SPATA19: variants seen among roughly 807,000 people sequenced by gnomAD.
SPATA19 encodes the protein spermatogenesis-associated protein 19, mitochondrial.
SPATA19 carries 19 observed loss-of-function variants against 25.0 expected under a neutral mutation model. The observed-to-expected ratio is 0.76, with a 90% CI of 0.53 to 1.11. The LOEUF (loss-of-function observed/expected upper bound fraction) is 1.11, where lower values mean the gene tolerates loss of function less well. Among genes scored for constraint, SPATA19 ranks in the 50% most tolerant of loss-of-function variants. The probability of loss-of-function intolerance (pLI) is 0.00; values close to 1 mark genes in which losing one functional copy is unlikely to be tolerated. For synonymous variants in SPATA19, 64 were observed against 69.3 expected, an observed-to-expected ratio of 0.92 and a Z score of 0.38; for missense variants, 222 against 211.4, an observed-to-expected ratio of 1.05 and a Z score of -0.31.
At chr11:133,836,035 T>C (rs1246026053), downstream of SPATA19, among the ~76,000 whole-genome samples, 1 of 152,238 alleles carries the variant, frequency 6.6e-6, no homozygotes, top group African/African-American at 2.4e-5. Flanking sequence ...CTGCACATCC[T>C]GTTTCCTGTC....
At chr11:133,845,255 C>T in intron 1 of SPATA19, 65 bp from the exon 2 acceptor site, 1 of 1,544,586 alleles carries the variant, frequency 6.5e-7, no homozygotes. Flanking sequence ...CCACCCAGCC[C>T]CCGCAACTGT....
chr11:133,840,347 A>G (rs1295910668), downstream of SPATA19, among the ~76,000 whole-genome samples: 2 of 152,242 alleles, frequency 1.3e-5, no homozygotes, highest in Admixed American at 6.5e-5. Context: ...ACTCAAATCT[A>G]CATTAAAAAG....
Position 133,842,044 on chromosome 11 carries a change from A to T in SPATA19, c.499T>A (p.Cys167Ser). 6.2e-7 allele frequency: 1 copy of T among 1,614,048 alleles called. No individual in the cohort carries two copies. Among genetic ancestry groups the T allele is most frequent in the South Asian group, 1.1e-5 (1 of 91,080 alleles). ...DFSMRPSSSD[C>S] ...AGCTCTCTCACCTGTTGCTCTCAGC[A>T]GTCTGAGGAGGAGGGTCTCATACTG... Residue 167 changes from cysteine (C) to serine (S), a missense_variant, in exon 6 of 7, where the codon TGC becomes AGC. Coordinates refer to ENST00000299140, the MANE Select transcript of SPATA19 (RefSeq NM_174927.3).
downstream of SPATA19, among the ~76,000 whole-genome samples, chr11:133,838,195 T>A (rs1047058679): frequency 6.6e-6 from 1 of 152,074 alleles, no homozygotes; most frequent in African/African-American, 2.4e-5. Flanking sequence ...AAAACAGCTA[T>A]GAAAAATATG....
In SPATA19 at chr11:133,844,600, G is replaced by A. The variant is rs1257888168; in HGVS notation, c.176C>T (p.Ser59Phe). 1 of 1,613,366 alleles carries A rather than the reference G, an allele frequency of 6.2e-7. No homozygotes were observed. The highest frequency in any genetic ancestry group is 1.7e-5 in the Admixed American group (1 of 59,906). ...EASRGIKEKLSINHPSQGVRE... is the reference protein window; with the variant it reads ...EASRGIKEKLFINHPSQGVRE... ...TACACCCTGGGAAGGGTGGTTGATGGACAGCTTTTCCTTTATGCCCCGAGA... is the reference window on the plus strand; with the variant it reads ...TACACCCTGGGAAGGGTGGTTGATGAACAGCTTTTCCTTTATGCCCCGAGA... The change falls in exon 3 of 7, where the codon TCC becomes TTC. Residue 59 changes from serine to phenylalanine, a missense_variant. Coordinates refer to ENST00000299140, the MANE Select transcript of SPATA19 (RefSeq NM_174927.3).
Position 133,844,490 on chromosome 11 carries a change from G to T in SPATA19, c.267+19C>A, listed in dbSNP as rs760412277. 3.1e-6 allele frequency: 5 copies of T among 1,614,002 alleles called. No individual in the cohort carries two copies. The highest frequency in any genetic ancestry group is 2.7e-5 in the African/African-American group (2 of 74,900). ...TCCCTCACCGCTACTCCCAGGCAAGGTCTCAAACTCTCATTTACCACATCT... is the reference window on the plus strand; with the variant it reads ...TCCCTCACCGCTACTCCCAGGCAAGTTCTCAAACTCTCATTTACCACATCT... On this transcript the variant is annotated intron_variant, in intron 3 of 6. Transcript: ENST00000299140.
chr11:133,837,901 G>C (rs953940481), downstream of SPATA19, among the ~76,000 whole-genome samples: 1 of 152,090 alleles, frequency 6.6e-6, no homozygotes, highest in Non-Finnish European at 1.5e-5. Context: ...TTAAGAAGGA[G>C]CCTCTAGGGA....
At chr11:133,845,281 G>A (rs1038983916) in intron 1 of SPATA19, 88 bp downstream of exon 1, 3 of 1,160,610 alleles carry the variant, frequency 2.6e-6, no homozygotes, top group Non-Finnish European at 3.7e-6. Context: ...AAATTTATTT[G>A]TAAGATCTCT....
At chr11:133,843,541 T>C (rs10750542) in intron 4 of SPATA19, among the ~76,000 whole-genome samples, 50,733 of 152,032 alleles carry the variant, frequency 0.33, 9,475 homozygotes, top group East Asian at 0.6. Context: ...CAGATCAACA[T>C]CGATGATGCG....
chr11:133,842,114 G>A lies in SPATA19; in HGVS notation c.438-9C>T, dbSNP rs374196498. 2 of 1,613,714 alleles carry A rather than the reference G, an allele frequency of 1.2e-6. No individual in the cohort carries two copies. The highest frequency in any genetic ancestry group is 2.2e-5 in the East Asian group (1 of 44,884). ...CTGTAAGACGGGATATGCTGCAGGG[G>A]ACAGAGGAGAAGGGCCAGGTGGAGG... On this transcript the variant is annotated splice_polypyrimidine_tract_variant and intron_variant, in intron 5 of 6. Coordinates refer to ENST00000299140, the MANE Select transcript of SPATA19 (RefSeq NM_174927.3).
At chr11:133,845,264 G>A (rs1938396729) in intron 1 of SPATA19, 74 bp from the exon 2 acceptor site, 2 of 1,333,018 alleles carry the variant, frequency 1.5e-6, no homozygotes, top group East Asian at 3.3e-5. Context: ...CCCCGCAACT[G>A]TTACTCAAAT....
Position 133,844,573 on chromosome 11 carries a change from C to T in SPATA19, c.203G>A (p.Arg68Lys). Reference sequence around the variant, plus strand: ...AGGGGAGTCAGTGGACATCTTCTCCCTTACACCCTGGGAAGGGTGGTTGAT... The same window carrying T: ...AGGGGAGTCAGTGGACATCTTCTCCTTTACACCCTGGGAAGGGTGGTTGAT... ...LSINHPSQGV[R>K]EKMSTDSPPT... is the part of the protein sequence containing the mutation. Residue 68 changes from arginine (R) to lysine (K), a missense_variant, in exon 3 of 7, where the codon AGG becomes AAG. Physicochemically the swap from Arg to Lys is conservative, Grantham distance 26 (BLOSUM62 2). Coordinates refer to ENST00000299140, the MANE Select transcript of SPATA19 (RefSeq NM_174927.3). 1 of 1,614,094 alleles carries T rather than the reference C, an allele frequency of 6.2e-7. No individual in the cohort carries two copies. Among genetic ancestry groups the T allele is most frequent in the Non-Finnish European group, 8.5e-7 (1 of 1,179,998 alleles).
In SPATA19 at chr11:133,842,409, C is replaced by T. The variant is rs758386739; in HGVS notation, c.437+76G>A. 581 of 1,133,206 alleles carry T rather than the reference C, an allele frequency of 5.1e-4. 9 individuals carry two copies. The highest frequency in any genetic ancestry group is 1.0e-3 in the Middle Eastern group (5 of 4,976). 70.2% of individuals were successfully genotyped at this position (1,133,206 alleles called of 1,614,324 possible). The stretch of plus-strand genomic sequence containing the variant: ...CAGAGATAGCATTGCTGGGTGTGGG[C>T]GGGAAACCCAGCAGTCACCCCCACC... On this transcript the variant is annotated intron_variant, in intron 5 of 6. Transcript: ENST00000299140.
intron 4 of SPATA19, among the ~76,000 whole-genome samples, chr11:133,843,765 C>A (rs1047118918): frequency 6.6e-6 from 1 of 152,184 alleles, no homozygotes; most frequent in African/African-American, 2.4e-5. Flanking sequence ...TCAGCATCTG[C>A]AGAGCCACGA....
chr11:133,838,895 G>T (rs533392993), downstream of SPATA19, among the ~76,000 whole-genome samples: 33 of 152,312 alleles, frequency 2.2e-4, no homozygotes, highest in Admixed American at 7.2e-4. Context: ...CTTCTCAAAA[G>T]AAGACATTTA....
intron 4 of SPATA19, among the ~76,000 whole-genome samples, chr11:133,842,975 A>G (rs1414491820): frequency 2.6e-5 from 4 of 152,110 alleles, no homozygotes; most frequent in Non-Finnish European, 5.9e-5. Flanking sequence ...TACAGCGAGG[A>G]AGCTGTGGGG....
At chr11:133,842,139 G>A (rs1426392701) in intron 5 of SPATA19, 34 bp from the exon 6 acceptor site, 1 of 1,605,470 alleles carries the variant, frequency 6.2e-7, no homozygotes, top group Non-Finnish European at 8.5e-7. Context: ...CCAGGTGGAG[G>A]GAGGCTGCCT....
At chr11:133,837,924 AC>A (rs1938239496), downstream of SPATA19, among the ~76,000 whole-genome samples, 1 of 152,136 alleles carries the variant, frequency 6.6e-6, no homozygotes, top group Non-Finnish European at 1.5e-5. Flanking sequence ...CTCAAAGACA[AC>A]AAGAAAGACA....
downstream of SPATA19, among the ~76,000 whole-genome samples, chr11:133,840,128 G>A (rs533144982): frequency 2.6e-5 from 4 of 152,258 alleles, no homozygotes; most frequent in African/African-American, 9.6e-5. Context: ...GTACAAGCAA[G>A]ATGAGAGTGG....
Sources: gnomAD v4.1 joint callset for allele counts (sites outside exome capture counted in the v4.1 genomes callset) on GRCh38, gnomAD v4.1.1 for gene constraint, MANE v1.5 for transcripts, NCBI Gene and HGNC (gene_info 2026-07-23, HGNC 2026-07-21) for gene names.